CLCN3: variants seen among roughly 807,000 people sequenced by gnomAD.
CLCN3 encodes Cl-/H+ antiporter 3, also known as H(+)/Cl(-) exchange transporter 3.
Under a neutral mutation model 83.4 loss-of-function variants are expected in CLCN3, and 16 were observed. The ratio of observed to expected loss-of-function variants is 0.19; its 90% confidence interval spans 0.13 to 0.29. The LOEUF is 0.29. CLCN3 is among the 10% of genes least tolerant of loss of function. The pLI is 1.00. For missense variants in CLCN3, 544 were observed against 1,006.0 expected (o/e 0.54, Z 6.21); for synonymous variants, 322 against 346.2 (o/e 0.93, Z 0.78).
chr4:169,702,225 GGGGTT>G (rs1385167707), intron 9 of CLCN3, among the ~76,000 whole-genome samples: 1 of 152,134 alleles, frequency 6.6e-6, no homozygotes, highest in African/African-American at 2.4e-5. Flanking sequence ...CATTCCTGGT[GGGGTT>G]GGGAGGATGC....
At chr4:169,621,953 AGT>A (rs1355311654) in intron 1 of CLCN3, among the ~76,000 whole-genome samples, 1 of 152,318 alleles carries the variant, frequency 6.6e-6, no homozygotes, top group Admixed American at 6.5e-5. Flanking sequence ...GCTGCTATTC[AGT>A]GTCTTGTTCT....
At chr4:169,621,401 GAT>G (rs1437865203) in intron 1 of CLCN3, among the ~76,000 whole-genome samples, 1 of 152,086 alleles carries the variant, frequency 6.6e-6, no homozygotes, top group Admixed American at 6.5e-5. Context: ...TCTATCTTTA[GAT>G]ATATATGTAT....
intron 2 of CLCN3, chr4:169,660,448 G>A: frequency 7.4e-7 from 1 of 1,346,762 alleles, no homozygotes; most frequent in Non-Finnish European, 9.5e-7. Flanking sequence ...ACATAAAAGA[G>A]GTAATACTAT....
At chr4:169,699,445 C>T (rs1732691429) in intron 9 of CLCN3, among the ~76,000 whole-genome samples, 1 of 152,096 alleles carries the variant, frequency 6.6e-6, no homozygotes, top group African/African-American at 2.4e-5. Context: ...ATAGTATTTG[C>T]TAGTGATGAT....
intron 5 of CLCN3, among the ~76,000 whole-genome samples, chr4:169,690,270 C>T (rs866103870): frequency 1.3e-4 from 20 of 151,820 alleles, no homozygotes; most frequent in African/African-American, 4.6e-4. Flanking sequence ...CTCAGCCTCC[C>T]GAGTAGCTGG....
intron 3 of CLCN3, among the ~76,000 whole-genome samples, chr4:169,680,916 T>C (rs1172766962): frequency 3.3e-5 from 5 of 152,212 alleles, no homozygotes; most frequent in African/African-American, 9.6e-5. Flanking sequence ...TGGTGTGATA[T>C]TGGCTCACTG....
At chr4:169,629,176 TCTGTATCTTGA>T (rs58192724) in intron 1 of CLCN3, among the ~76,000 whole-genome samples, 70,300 of 151,722 alleles carry the variant, frequency 0.46, 18,073 homozygotes, top group East Asian at 0.76. Flanking sequence ...GATGGAATAT[TCTGTATCTTGA>T]CTGTATCAAT....
intron 2 of CLCN3, among the ~76,000 whole-genome samples, chr4:169,668,730 ATT>A (rs538629875): frequency 1.6e-4 from 23 of 141,672 alleles, no homozygotes; most frequent in South Asian, 6.7e-4. Flanking sequence ...AAAGTTTTTG[ATT>A]TTTTTTTTTT....
At chr4:169,637,850 C>G (rs767169798) in intron 2 of CLCN3, among the ~76,000 whole-genome samples, 60 of 152,060 alleles carry the variant, frequency 3.9e-4, no homozygotes, top group Admixed American at 2.0e-4. Context: ...TTGGAAAAAA[C>G]TTTGCTTTTT....
chr4:169,630,450 A>C (rs537212381), intron 1 of CLCN3, among the ~76,000 whole-genome samples: 3 of 152,364 alleles, frequency 2.0e-5, no homozygotes, highest in South Asian at 2.1e-4. Flanking sequence ...CCATTGCTGC[A>C]AAGGACTTGA....
At chr4:169,628,631 A>G (rs1773293039) in intron 1 of CLCN3, among the ~76,000 whole-genome samples, 1 of 152,242 alleles carries the variant, frequency 6.6e-6, no homozygotes, top group Non-Finnish European at 1.5e-5. Flanking sequence ...AGCTAAAATA[A>G]GAAATAGTGA....
chr4:169,711,111 C>T (rs1460770545), intron 11 of CLCN3, among the ~76,000 whole-genome samples: 1 of 152,204 alleles, frequency 6.6e-6, no homozygotes, highest in African/African-American at 2.4e-5. Context: ...CTTATAACAA[C>T]TTAACTTCAG....
In CLCN3 at chr4:169,706,823, TGAG is replaced by T. The variant is rs764938261; in HGVS notation, c.1751-42_1751-40del. Reference sequence around the variant, plus strand: ...CAAAAATTCTAATAAAATGTAATGATGAGGATCCTGTCCTTCCTGACCAGTGGG... The same window carrying T: ...CAAAAATTCTAATAAAATGTAATGATGATCCTGTCCTTCCTGACCAGTGGG... On this transcript the variant is annotated intron_variant, in intron 10 of 12. Coordinates refer to ENST00000513761, the MANE Select transcript of CLCN3 (RefSeq NM_001829.4). The T allele has an allele frequency of 3.9e-6, 6 of 1,526,052 alleles. No individual in the cohort carries two copies. The African/African-American group carries it at 5.5e-5, about 14-fold the overall frequency. 94.5% of individuals were successfully genotyped at this position (1,526,052 alleles called of 1,614,324 possible). A position where few individuals can be genotyped will look rare whatever the true frequency, so the allele number is the denominator to read the frequency against.
chr4:169,713,443 A>C, intron 12 of CLCN3, 148 bp downstream of exon 12: 1 of 613,698 alleles, frequency 1.6e-6, no homozygotes, highest in South Asian at 2.0e-5. Flanking sequence ...AGGATCAGTC[A>C]ATCAAATTTC....
intron 1 of CLCN3, among the ~76,000 whole-genome samples, chr4:169,628,219 T>C (rs1209768528): frequency 6.6e-6 from 1 of 151,970 alleles, no homozygotes; most frequent in African/African-American, 2.4e-5. Context: ...TTAGGAAAAA[T>C]AGAAGAAAAT....
chr4:169,682,069 T>A (rs1204784692), intron 3 of CLCN3, among the ~76,000 whole-genome samples: 1 of 152,232 alleles, frequency 6.6e-6, no homozygotes, highest in Non-Finnish European at 1.5e-5. Flanking sequence ...AGTTGTAATG[T>A]GTACTTTGAA....
At chr4:169,628,211 A>G (rs1006096738) in intron 1 of CLCN3, among the ~76,000 whole-genome samples, 5 of 152,222 alleles carry the variant, frequency 3.3e-5, no homozygotes, top group African/African-American at 1.2e-4. Context: ...ATAAAATTTT[A>G]GGAAAAATAG....
intron 9 of CLCN3, among the ~76,000 whole-genome samples, chr4:169,702,160 C>T (rs1255387276): frequency 2.6e-5 from 4 of 152,130 alleles, no homozygotes; most frequent in Non-Finnish European, 5.9e-5. Flanking sequence ...CCAATTATTA[C>T]TTTAGAGAGA....
Position 169,707,156 on chromosome 4 carries a change from T to G in CLCN3, c.2039T>G (p.Ile680Arg). 1 of 1,614,008 alleles carries G rather than the reference T, an allele frequency of 6.2e-7. No individual in the cohort carries two copies. Among genetic ancestry groups the G allele is most frequent in the Non-Finnish European group, 8.5e-7 (1 of 1,179,910 alleles). ...CAGGACAATATGACAGTGGATGATA[T>G]AGAAAACATGATTAATGAAACCAGC... Reference protein sequence around the residue: ...LTQDNMTVDDIENMINETSYN... With the variant: ...LTQDNMTVDDRENMINETSYN... Residue 680 changes from isoleucine (I) to arginine (R), a missense_variant, in exon 11 of 13, where the codon ATA becomes AGA. By Grantham distance (97) the Ile-to-Arg change is moderately conservative. Around this residue, in one of 6 missense-constraint regions of CLCN3, gnomAD observed 142 missense variants for 225.0 expected, o/e 0.63. Coordinates refer to ENST00000513761, the MANE Select transcript of CLCN3 (RefSeq NM_001829.4).
Sources: allele counts gnomAD v4.1 joint callset (sites outside exome capture counted in the v4.1 genomes callset), GRCh38; gene constraint gnomAD v4.1.1; regional missense constraint gnomAD v4.1.1; transcripts MANE v1.5; gene names NCBI Gene and HGNC (gene_info 2026-07-23, HGNC 2026-07-21).